FHIT: variants seen among roughly 807,000 people sequenced by gnomAD.
The protein encoded by FHIT is bis(5'-adenosyl)-triphosphatase.
In FHIT, 19 loss-of-function variants were observed where a neutral mutation model predicts 17.9. The observed-to-expected ratio is 1.06, with a 90% CI of 0.74 to 1.56. FHIT has a LOEUF of 1.56. Ranked by LOEUF, FHIT falls within the 40% of genes most tolerant of loss-of-function variation. The probability of loss-of-function intolerance (pLI) is 0.00; values close to 1 mark genes in which losing one functional copy is unlikely to be tolerated. For synonymous variants in FHIT, 81 were observed against 69.7 expected (o/e 1.16, Z -0.81); for missense variants, 248 against 189.2 (o/e 1.31, Z -1.82).
intron 3 of FHIT, among the ~76,000 whole-genome samples, chr3:60,875,208 C>T (rs1409854648): frequency 6.6e-6 from 1 of 152,112 alleles, no homozygotes; most frequent in Non-Finnish European, 1.5e-5. Flanking sequence ...GGTCTGACTA[C>T]CTTGGAAACC....
At chr3:61,105,454 C>G (rs2035962660) in intron 2 of FHIT, among the ~76,000 whole-genome samples, 1 of 152,042 alleles carries the variant, frequency 6.6e-6, no homozygotes, top group Non-Finnish European at 1.5e-5. Context: ...TTATTACTTT[C>G]TATTTATGGT....
At position 61,210,390 on chromosome 3, in the gene FHIT, C is replaced by T. The variant is rs929046183; in HGVS notation, c.-212-9725G>A. Among the ~76,000 whole-genome samples, 8 of 152,332 alleles carry T rather than the reference C, an allele frequency of 5.3e-5. No individual in the cohort carries two copies. In the East Asian group the frequency reaches 7.7e-4, roughly 15 times the overall value. On this transcript the variant is annotated intron_variant, in intron 1 of 9. Transcript: ENST00000492590. Reference sequence around the variant, plus strand: ...TACTGCTGCCTTTTGTTTGTCTGTGCCCGGCCCCCAGAGGTGGAGCCTACA... The same window carrying T: ...TACTGCTGCCTTTTGTTTGTCTGTGTCCGGCCCCCAGAGGTGGAGCCTACA...
chr3:60,640,365 C>G (rs532943301), intron 4 of FHIT, among the ~76,000 whole-genome samples: 1 of 152,080 alleles, frequency 6.6e-6, no homozygotes, highest in East Asian at 1.9e-4. Context: ...CTGTATTATT[C>G]TATTGAAGTT....
intron 8 of FHIT, among the ~76,000 whole-genome samples, chr3:59,882,822 G>T (rs557192241): frequency 1.3e-5 from 2 of 152,236 alleles, no homozygotes; most frequent in East Asian, 3.9e-4. Context: ...GAAGAAACAT[G>T]GCATGTTCCT....
intron 2 of FHIT, among the ~76,000 whole-genome samples, chr3:61,147,237 GTTGAGGCGACAAAACAAAACAGA>G (rs1293274102): frequency 6.6e-6 from 1 of 152,020 alleles, no homozygotes; most frequent in African/African-American, 2.4e-5. Context: ...AAAACGTTCT[GTTGAGGCGACAAAACAAAACAGA>G]TTTTTAATAT....
rs539107324 is a variant in FHIT at position 59,982,306 on chromosome 3, C to T, written c.279+29065G>A. Among the ~76,000 whole-genome samples the T allele has an allele frequency of 5.9e-5, 9 of 152,202 alleles. No homozygotes were observed. In the South Asian group the frequency reaches 1.7e-3, roughly 28 times the overall value. On this transcript the variant is annotated intron_variant, in intron 7 of 9. Transcript: ENST00000492590. ...ATGAAAATCTGTCTTTTAATTGTAG[C>T]TTTTGGGGCAACAAAAAATCCCCCA...
chr3:60,819,103 C>T (rs1193008925), intron 4 of FHIT, among the ~76,000 whole-genome samples: 2 of 147,392 alleles, frequency 1.4e-5, no homozygotes, highest in Non-Finnish European at 1.5e-5. Flanking sequence ...AATTTCAGAT[C>T]CAGTAGAACT....
At chr3:60,330,024 G>A (rs1359988607) in intron 5 of FHIT, among the ~76,000 whole-genome samples, 1 of 152,108 alleles carries the variant, frequency 6.6e-6, no homozygotes, top group Non-Finnish European at 1.5e-5. Flanking sequence ...ACTTATAGCC[G>A]ATTGTGGTAA....
chr3:61,189,231 T>A (rs955080261), intron 2 of FHIT, among the ~76,000 whole-genome samples: 1 of 152,182 alleles, frequency 6.6e-6, no homozygotes, highest in Non-Finnish European at 1.5e-5. Context: ...TAACTTCGGC[T>A]AAGTCTCAGG....
At chr3:61,137,572 C>G (rs1341719394) in intron 2 of FHIT, among the ~76,000 whole-genome samples, 1 of 152,156 alleles carries the variant, frequency 6.6e-6, no homozygotes, top group Non-Finnish European at 1.5e-5. Context: ...TGTAAAGATA[C>G]CTGGGGCTAC....
intron 5 of FHIT, among the ~76,000 whole-genome samples, chr3:60,131,293 C>T (rs527824949): frequency 3.3e-5 from 5 of 151,798 alleles, no homozygotes; most frequent in East Asian, 1.9e-4. Flanking sequence ...GTTATTCTAA[C>T]ATATTGTTTT....
chr3:60,569,002 A>C (rs1382967780), intron 4 of FHIT, among the ~76,000 whole-genome samples: 1 of 151,848 alleles, frequency 6.6e-6, no homozygotes, highest in South Asian at 2.1e-4. Flanking sequence ...CCTTTCAAAA[A>C]TATTTTCCAT....
chr3:59,928,028 G>A (rs1305556922), intron 7 of FHIT, among the ~76,000 whole-genome samples: 2 of 152,026 alleles, frequency 1.3e-5, no homozygotes, highest in African/African-American at 4.8e-5. Flanking sequence ...ATAGAAACAT[G>A]GCTCATGGCG....
intron 5 of FHIT, among the ~76,000 whole-genome samples, chr3:60,433,009 C>T (rs922263486): frequency 6.6e-6 from 1 of 151,756 alleles, no homozygotes; most frequent in African/African-American, 2.4e-5. Context: ...ACACACATTA[C>T]ACAGATCATC....
chr3:61,057,300 G>T (rs1385716026), intron 2 of FHIT, among the ~76,000 whole-genome samples: 2 of 152,122 alleles, frequency 1.3e-5, no homozygotes, highest in African/African-American at 4.8e-5. Flanking sequence ...ATTTTCATGT[G>T]GTTCAATAAT....
At chr3:60,431,773 G>A (rs1053829965) in intron 5 of FHIT, among the ~76,000 whole-genome samples, 1 of 151,996 alleles carries the variant, frequency 6.6e-6, no homozygotes, top group African/African-American at 2.4e-5. Flanking sequence ...CTTCTGGTGA[G>A]CACTTACAGA....
At position 61,162,487 on chromosome 3, in the gene FHIT, A is replaced by G. The variant is rs368124375; in HGVS notation, c.-164+38130T>C. Among the ~76,000 whole-genome samples, 4 of 152,348 alleles carry G rather than the reference A, an allele frequency of 2.6e-5. No homozygotes were observed. The East Asian group carries it at 5.8e-4, about 22-fold the overall frequency. On this transcript the variant is annotated intron_variant, in intron 2 of 9. Coordinates refer to ENST00000492590, the MANE Select transcript of FHIT (RefSeq NM_002012.4). ...CAAGGTAGTGTATAAATGGTTTAGC[A>G]GTGAATTCCACCCCATACTTCTTGG... is the stretch of plus-strand genomic sequence containing the variant.
At position 61,075,227 on chromosome 3, in the gene FHIT, C is replaced by T. The variant is rs542584052; in HGVS notation, c.-163-33128G>A. On this transcript the variant is annotated intron_variant, in intron 2 of 9. Transcript: ENST00000492590. ...GGGAGCTTCTGCATCAACCTTGTGT[C>T]GCATCTGGAGCTGCAGACCCTCACT... Among the ~76,000 whole-genome samples, 9 of 152,082 alleles carry T rather than the reference C, an allele frequency of 5.9e-5. No individual in the cohort carries two copies. The South Asian group carries it at 1.2e-3, about 21-fold the overall frequency.
chr3:60,097,166 C>A (rs905388494), intron 5 of FHIT, among the ~76,000 whole-genome samples: 2 of 151,958 alleles, frequency 1.3e-5, no homozygotes, highest in African/African-American at 4.8e-5. Context: ...AATTTTAGTC[C>A]AGTTATTACA....
Sources: gnomAD v4.1 joint callset for allele counts (sites outside exome capture counted in the v4.1 genomes callset) on GRCh38, gnomAD v4.1.1 for gene constraint, MANE v1.5 for transcripts, NCBI Gene and HGNC (gene_info 2026-07-23, HGNC 2026-07-21) for gene names.